Variants in BCL7A observed in about 807,000 individuals in gnomAD.
BCL7A encodes the protein B-cell CLL/lymphoma 7 protein family member A.
In BCL7A, 11 loss-of-function variants were observed where a neutral mutation model predicts 28.4. The ratio of observed to expected loss-of-function variants is 0.39; its 90% confidence interval spans 0.24 to 0.64. The LOEUF is 0.64. Ranked by LOEUF, BCL7A falls within the 30% of genes least tolerant of loss-of-function variation. BCL7A has a pLI of 0.50. For synonymous variants in BCL7A, 123 were observed against 103.3 expected, an observed-to-expected ratio of 1.19 and a Z score of -1.15; for missense variants, 222 against 274.8, an observed-to-expected ratio of 0.81 and a Z score of 1.36.
At chr12:122,023,122 C>G (rs751422416) in intron 1 of BCL7A, among the ~76,000 whole-genome samples, 1 of 152,366 alleles carries the variant, frequency 6.6e-6, no homozygotes, top group African/African-American at 2.4e-5. Context: ...GGGGATCGAA[C>G]CTTTCCGCGG....
intron 4 of BCL7A, among the ~76,000 whole-genome samples, chr12:122,049,053 T>TAC (rs779335250): frequency 1.8e-4 from 11 of 59,940 alleles, no homozygotes; most frequent in South Asian, 5.3e-4. Context: ...TATATATATA[T>TAC]ACATATACAC....
intron 1 of BCL7A, among the ~76,000 whole-genome samples, chr12:122,022,506 G>T (rs1179475337): frequency 6.9e-6 from 1 of 145,734 alleles, no homozygotes; most frequent in African/African-American, 2.5e-5. Flanking sequence ...CGGGAGGGGG[G>T]CTCGGGGCCG....
chr12:122,023,557 A>G (rs2135834723), intron 1 of BCL7A, among the ~76,000 whole-genome samples: 1 of 152,314 alleles, frequency 6.6e-6, no homozygotes, highest in East Asian at 1.9e-4. Context: ...TCCTATGGAA[A>G]GGGCTGGCTG....
At chr12:122,034,094 A>C (rs1444751548) in intron 2 of BCL7A, among the ~76,000 whole-genome samples, 1 of 150,654 alleles carries the variant, frequency 6.6e-6, no homozygotes, top group Admixed American at 6.6e-5. Flanking sequence ...GCTCGCAAAC[A>C]TGCATGTAAA....
intron 3 of BCL7A, among the ~76,000 whole-genome samples, chr12:122,036,935 C>G (rs1302939488): frequency 6.6e-6 from 1 of 152,182 alleles, no homozygotes; most frequent in East Asian, 1.9e-4. Context: ...TCTCGAACTC[C>G]TGGTCTCGAA....
chr12:122,038,090 C>T (rs926055280), intron 3 of BCL7A, among the ~76,000 whole-genome samples: 6 of 151,574 alleles, frequency 4.0e-5, no homozygotes, highest in Admixed American at 6.6e-5. Context: ...CACTGCACTC[C>T]AGCCCAGGCA....
intron 2 of BCL7A, among the ~76,000 whole-genome samples, chr12:122,033,220 C>T (rs566398145): frequency 2.0e-5 from 3 of 151,852 alleles, no homozygotes; most frequent in East Asian, 1.9e-4. Context: ...ACTGCAGCCT[C>T]GACCTCCTGG....
chr12:122,043,833 G>A (rs1046089517), intron 3 of BCL7A, 53 bp from the exon 4 acceptor site: 178 of 1,545,368 alleles, frequency 1.2e-4, no homozygotes, highest in Admixed American at 5.0e-4. Flanking sequence ...TGACCTACCC[G>A]TCCTTGGCAG....
intron 2 of BCL7A, among the ~76,000 whole-genome samples, chr12:122,031,736 G>A (rs566954949): frequency 1.5e-4 from 23 of 152,206 alleles, no homozygotes; most frequent in Admixed American, 3.3e-4. Flanking sequence ...GTAGGGATGC[G>A]GGGCTCCAGG....
chr12:122,022,992 T>C (rs1883505679), intron 1 of BCL7A, among the ~76,000 whole-genome samples: 2 of 152,176 alleles, frequency 1.3e-5, no homozygotes, highest in South Asian at 2.1e-4. Context: ...CTCGTGTTTG[T>C]TTTGCGGAGG....
At chr12:122,052,489 A>G (rs1884211375) in intron 4 of BCL7A, among the ~76,000 whole-genome samples, 1 of 152,144 alleles carries the variant, frequency 6.6e-6, no homozygotes, top group Admixed American at 6.5e-5. Context: ...CCCAGCCGCA[A>G]TCATTCTCCA....
intron 2 of BCL7A, among the ~76,000 whole-genome samples, chr12:122,031,255 C>T (rs1431730826): frequency 6.6e-6 from 1 of 152,168 alleles, no homozygotes; most frequent in Admixed American, 6.6e-5. Context: ...TCTTGAACTC[C>T]TGACCTCGGG....
intron 1 of BCL7A, among the ~76,000 whole-genome samples, chr12:122,023,915 A>G (rs1883543669): frequency 6.6e-6 from 1 of 152,158 alleles, no homozygotes; most frequent in South Asian, 2.1e-4. Context: ...GTTGGGAAAC[A>G]GCCGGCAAGC....
chr12:122,047,515 A>C (rs925453499), intron 4 of BCL7A, among the ~76,000 whole-genome samples: 4 of 151,340 alleles, frequency 2.6e-5, no homozygotes, highest in South Asian at 2.1e-4. Context: ...CAGAGCGAGA[A>C]TCCGTCTCAG....
chr12:122,035,552 G>A, intron 3 of BCL7A, 125 bp downstream of exon 3: 1 of 787,902 alleles, frequency 1.3e-6, no homozygotes, highest in Non-Finnish European at 2.0e-6. Flanking sequence ...GGGCTGGGCA[G>A]GGCCCGGCGG....
At chr12:122,033,671 G>A (rs1449628300) in intron 2 of BCL7A, among the ~76,000 whole-genome samples, 1 of 151,602 alleles carries the variant, frequency 6.6e-6, no homozygotes, top group Admixed American at 6.6e-5. Flanking sequence ...TGCTCAGGCT[G>A]GTCTCAAACT....
At chr12:122,047,478 C>T (rs951378741) in intron 4 of BCL7A, among the ~76,000 whole-genome samples, 1 of 151,676 alleles carries the variant, frequency 6.6e-6, no homozygotes, top group East Asian at 2.0e-4. Flanking sequence ...GAGCCGAGAT[C>T]GCACCACTGC....
chr12:122,055,579 T>C (rs1275129333), intron 5 of BCL7A, among the ~76,000 whole-genome samples: 1 of 152,178 alleles, frequency 6.6e-6, no homozygotes, highest in African/African-American at 2.4e-5. Flanking sequence ...AGAGGTGTCA[T>C]TGGCCATGAC....
At chr12:122,025,178 G>A (rs557592389) in intron 1 of BCL7A, among the ~76,000 whole-genome samples, 2 of 152,222 alleles carry the variant, frequency 1.3e-5, no homozygotes, top group African/African-American at 2.4e-5. Flanking sequence ...CAGGGCGATG[G>A]TAGGAGACGA....
Sources: allele counts gnomAD v4.1 joint callset (sites outside exome capture counted in the v4.1 genomes callset), GRCh38; gene constraint gnomAD v4.1.1; transcripts MANE v1.5; gene names NCBI Gene and HGNC (gene_info 2026-07-23, HGNC 2026-07-21).